ZSWIM6: variants seen among roughly 807,000 people sequenced by gnomAD.
ZSWIM6 encodes zinc finger SWIM domain-containing protein 6.
Under a neutral mutation model 113.2 loss-of-function variants are expected in ZSWIM6, and 9 were observed. The ratio of observed to expected loss-of-function variants is 0.08; its 90% CI spans 0.05 to 0.14. The LOEUF (loss-of-function observed/expected upper bound fraction) is 0.14, where lower values mean the gene tolerates loss of function less well. ZSWIM6 is among the 10% of genes least tolerant of loss of function. The pLI is 1.00. For missense variants in ZSWIM6, 1,162 were observed against 1,552.2 expected (o/e 0.75, Z 4.22); for synonymous variants, 611 against 606.5 (o/e 1.01, Z -0.11).
intron 2 of ZSWIM6, among the ~76,000 whole-genome samples, chr5:61,483,640 G>C (rs541690084): frequency 4.0e-5 from 6 of 151,420 alleles, no homozygotes; most frequent in African/African-American, 1.2e-4. Flanking sequence ...AGGCCGAGGT[G>C]GGCAGATCAC....
chr5:61,484,949 C>CTA (rs1182263464), intron 2 of ZSWIM6, among the ~76,000 whole-genome samples: 1 of 152,140 alleles, frequency 6.6e-6, no homozygotes, highest in African/African-American at 2.4e-5. Context: ...GGATCATGAT[C>CTA]TATACGTGCC....
intron 9 of ZSWIM6, among the ~76,000 whole-genome samples, chr5:61,532,813 A>G (rs1749475785): frequency 6.6e-6 from 1 of 152,166 alleles, no homozygotes; most frequent in Non-Finnish European, 1.5e-5. Context: ...CCATCTTGAC[A>G]CTTGACAAAT....
chr5:61,369,266 AT>A (rs1347774754), intron 1 of ZSWIM6, among the ~76,000 whole-genome samples: 1 of 152,226 alleles, frequency 6.6e-6, no homozygotes, highest in Non-Finnish European at 1.5e-5. Flanking sequence ...AATTTATCTT[AT>A]ATAACATTTA....
At chr5:61,410,701 A>G (rs191368339) in intron 1 of ZSWIM6, among the ~76,000 whole-genome samples, 1 of 152,324 alleles carries the variant, frequency 6.6e-6, no homozygotes, top group East Asian at 1.9e-4. Flanking sequence ...CATGCAGAAT[A>G]ATTTTAAGAG....
chr5:61,450,290 C>G (rs1240610638), intron 1 of ZSWIM6, among the ~76,000 whole-genome samples: 2 of 152,076 alleles, frequency 1.3e-5, no homozygotes, highest in Non-Finnish European at 2.9e-5. Flanking sequence ...TCTTCTTTGC[C>G]CCACACATGA....
At chr5:61,361,052 TTGTG>T (rs149630974) in intron 1 of ZSWIM6, among the ~76,000 whole-genome samples, 1 of 151,792 alleles carries the variant, frequency 6.6e-6, no homozygotes. Context: ...GTCTTTTTCC[TTGTG>T]TGTGTGTGTT....
chr5:61,473,212 T>C (rs1747617747), intron 2 of ZSWIM6, among the ~76,000 whole-genome samples, 175 bp downstream of exon 2: 1 of 152,250 alleles, frequency 6.6e-6, no homozygotes, highest in Non-Finnish European at 1.5e-5. Context: ...AAGTGTTTCG[T>C]GTTAGGTACC....
intron 2 of ZSWIM6, among the ~76,000 whole-genome samples, chr5:61,487,369 G>T (rs1748048656): frequency 6.6e-6 from 1 of 151,834 alleles, no homozygotes; most frequent in Non-Finnish European, 1.5e-5. Flanking sequence ...GATTGCTTTG[G>T]CTATTTGGCC....
chr5:61,542,081 C>A, intron 13 of ZSWIM6, 116 bp downstream of exon 13: 1 of 885,726 alleles, frequency 1.1e-6, no homozygotes. Flanking sequence ...AAGGCTCCTT[C>A]TAGCAGTCCA....
Position 61,358,731 on chromosome 5 carries a change from T to C in ZSWIM6, c.676+25783T>C, listed in dbSNP as rs116528067. Among the ~76,000 whole-genome samples the C allele has an allele frequency of 9.9e-3, 1,503 of 152,364 alleles. 7 individuals are homozygous for C. The highest frequency in any genetic ancestry group is 0.015 in the Non-Finnish European group (1,013 of 68,032). On this transcript the variant is annotated intron_variant, in intron 1 of 13. Transcript: ENST00000252744. ...ATTTGGAAATGGAGAAGGAGTTCTT[T>C]ACATTTCTTGAGTTCTGGTGGAAGA...
At chr5:61,536,941 T>C (rs768253804) in intron 10 of ZSWIM6, among the ~76,000 whole-genome samples, 4 of 152,238 alleles carry the variant, frequency 2.6e-5, no homozygotes, top group Non-Finnish European at 4.4e-5. Context: ...TAGAGCACGA[T>C]TTTAAAATAA....
In ZSWIM6 at chr5:61,543,945, T is replaced by G. The variant is rs1749814513; in HGVS notation, c.3276T>G (p.Pro1092=). The change falls in exon 14 of 14, where the codon CCT becomes CCG. Residue 1092 remains proline (P), a synonymous_variant. Coordinates refer to ENST00000252744, the MANE Select transcript of ZSWIM6 (RefSeq NM_020928.2). This position sits in a 1 kb window ranked among gnomAD's most constrained non-coding sequence, Gnocchi z 4.3. ...LGKNELAAII[P]LVVKSVKCAT... is the part of the protein sequence containing the mutation. The stretch of plus-strand genomic sequence containing the variant: ...AAAATGAGCTTGCAGCTATAATACC[T>G]CTGGTGGTCAAGAGTGTCAAGTGTG... 6.4e-7 allele frequency: 1 copy of G among 1,551,680 alleles called. No homozygotes were observed. Among genetic ancestry groups the G allele is most frequent in the Non-Finnish European group, 8.7e-7 (1 of 1,147,018 alleles).
chr5:61,444,470 G>A (rs1746907486), intron 1 of ZSWIM6, among the ~76,000 whole-genome samples: 1 of 152,070 alleles, frequency 6.6e-6, no homozygotes, highest in Non-Finnish European at 1.5e-5. Context: ...CCCAGTAATG[G>A]GATTGCTGGG....
intron 1 of ZSWIM6, among the ~76,000 whole-genome samples, chr5:61,337,926 C>T (rs1435736034): frequency 6.6e-6 from 1 of 151,778 alleles, no homozygotes; most frequent in African/African-American, 2.4e-5. Flanking sequence ...CAAAAATTAT[C>T]CTTGAGTTTT....
At chr5:61,467,420 AATG>A (rs1747459047) in intron 1 of ZSWIM6, among the ~76,000 whole-genome samples, 1 of 152,208 alleles carries the variant, frequency 6.6e-6, no homozygotes, top group South Asian at 2.1e-4. Context: ...TTCAGTTTGT[AATG>A]ATACTGGAAT....
intron 1 of ZSWIM6, among the ~76,000 whole-genome samples, chr5:61,464,842 C>T (rs915848925): frequency 6.6e-6 from 1 of 152,218 alleles, no homozygotes; most frequent in Non-Finnish European, 1.5e-5. Flanking sequence ...CTGCTTCCTC[C>T]TCGTTTACAC....
intron 2 of ZSWIM6, among the ~76,000 whole-genome samples, chr5:61,477,716 C>T (rs539765412): frequency 7.2e-5 from 11 of 152,284 alleles, no homozygotes; most frequent in Non-Finnish European, 1.5e-4. Context: ...ATTCAGCAGT[C>T]CCATCTTCAT....
At chr5:61,344,277 A>G (rs928260386) in intron 1 of ZSWIM6, among the ~76,000 whole-genome samples, 4 of 152,112 alleles carry the variant, frequency 2.6e-5, no homozygotes, top group Non-Finnish European at 5.9e-5. Flanking sequence ...TTTGTCTGAT[A>G]TACGTTCAGC....
intron 4 of ZSWIM6, among the ~76,000 whole-genome samples, chr5:61,514,349 C>T (rs1311186777): frequency 6.6e-6 from 1 of 151,562 alleles, no homozygotes; most frequent in Non-Finnish European, 1.5e-5. Context: ...TTGTCCTTTC[C>T]ACTTGATGTC....
Sources: gnomAD v4.1 joint callset for allele counts (sites outside exome capture counted in the v4.1 genomes callset) on GRCh38, gnomAD v4.1.1 for gene constraint, Gnocchi (gnomAD v3.1) non-coding constraint, MANE v1.5 for transcripts, NCBI Gene and HGNC (gene_info 2026-07-23, HGNC 2026-07-21) for gene names.